Variants in TOR4A observed in about 807,000 individuals in gnomAD.
TOR4A encodes torsin-4A.
In TOR4A, 12 loss-of-function variants were observed where a neutral mutation model predicts 11.5. That is an observed-to-expected ratio of 1.04 (90% CI 0.67 to 1.69). The LOEUF (loss-of-function observed/expected upper bound fraction) is 1.69, where lower values mean the gene tolerates loss of function less well. Among genes scored for constraint, TOR4A ranks in the 40% most tolerant of loss-of-function variants. The pLI is 0.00. For synonymous variants in TOR4A, 362 were observed against 307.4 expected (o/e 1.18, Z -1.86); for missense variants, 640 against 643.2 (o/e 0.99, Z 0.05).
chr9:137,279,116 G>T lies in TOR4A; in HGVS notation c.427G>T (p.Asp143Tyr), dbSNP rs1308436945. ...TCTCAACGCTATCGAGAACCTGGAC[G>T]ATAACGCGCAGCGCTATGACCTCGA... ...QVLNAIENLDDNAQRYDLDGL... is the reference protein window; with the variant it reads ...QVLNAIENLDYNAQRYDLDGL... Residue 143 changes from aspartate (D) to tyrosine (Y), a missense_variant, in exon 2 of 2, where the codon GAT (aspartate) becomes TAT (tyrosine). Physicochemically the swap from Asp to Tyr is radical, Grantham distance 160. Coordinates refer to ENST00000357503, the MANE Select transcript of TOR4A (RefSeq NM_017723.3). 6 of 1,593,324 alleles carry T rather than the reference G, an allele frequency of 3.8e-6. No individual in the cohort carries two copies. The highest frequency in any genetic ancestry group is 5.1e-6 in the Non-Finnish European group (6 of 1,170,356).
At position 137,279,052 on chromosome 9, in the gene TOR4A, C is replaced by T. The variant is rs1324726125; in HGVS notation, c.363C>T (p.Arg121=). ...TGGAGCACAGGAGCCGCGCGCAGCG[C>T]TGCCTTCTGCTGCTAGTCGCCATCG... ...PRVEHRSRAQ[R]CLLLLVAIVG... The change falls in exon 2 of 2, where the codon CGC becomes CGT. Residue 121 remains arginine (R), a synonymous_variant. Transcript: ENST00000357503. 1 of 1,603,692 alleles carries T rather than the reference C, an allele frequency of 6.2e-7. No homozygotes were observed. The highest frequency in any genetic ancestry group is 1.3e-5 in the African/African-American group (1 of 74,762).
chr9:137,279,018 G>T lies in TOR4A; in HGVS notation c.329G>T (p.Arg110Leu). 1 of 1,604,412 alleles carries T rather than the reference G, an allele frequency of 6.2e-7. No individual in the cohort carries two copies. Among genetic ancestry groups the T allele is most frequent in the Non-Finnish European group, 8.5e-7 (1 of 1,176,392 alleles). The change falls in exon 2 of 2, where the codon CGG becomes CTG. Residue 110 changes from arginine to leucine, a missense_variant. Coordinates refer to ENST00000357503, the MANE Select transcript of TOR4A (RefSeq NM_017723.3). Reference sequence around the variant, plus strand: ...TACCCGGAGACCTCGCGCAAGTATCGGCCGCGCGTGGAGCACAGGAGCCGC... The same window carrying T: ...TACCCGGAGACCTCGCGCAAGTATCTGCCGCGCGTGGAGCACAGGAGCCGC... ...VLYPETSRKY[R>L]PRVEHRSRAQ...
Position 137,279,146 on chromosome 9 carries a change from C to T in TOR4A, c.457C>T (p.Leu153=). The T allele has an allele frequency of 6.3e-7, 1 of 1,576,702 alleles. No individual in the cohort carries two copies. Among genetic ancestry groups the T allele is most frequent in the Non-Finnish European group, 8.6e-7 (1 of 1,161,678 alleles). ...DNAQRYDLDG[L]EKALQRAVFG... ...CGCGCAGCGCTATGACCTCGACGGG[C>T]TGGAGAAAGCGCTGCAGCGCGCGGT... The change falls in exon 2 of 2, where the codon CTG becomes TTG. Residue 153 remains leucine, a synonymous_variant. Coordinates refer to ENST00000357503, the MANE Select transcript of TOR4A (RefSeq NM_017723.3).
chr9:137,278,779 C>T lies in TOR4A; in HGVS notation c.90C>T (p.Leu30=). The change falls in exon 2 of 2, where the codon CTC becomes CTT. Residue 30 remains leucine, a synonymous_variant. Transcript: ENST00000357503. ...RCVIAPVRAV[L]RLRRRVCVLR... is the part of the protein sequence containing the mutation. ...TGATCGCGCCCGTGCGCGCTGTGCT[C>T]CGCCTGCGCCGCCGGGTGTGTGTCC... is the stretch of plus-strand genomic sequence containing the variant. The T allele has an allele frequency of 6.9e-7, 1 of 1,443,990 alleles. No individual in the cohort carries two copies. Among genetic ancestry groups the T allele is most frequent in the Non-Finnish European group, 9.0e-7 (1 of 1,110,404 alleles). The allele number at this position is 1,443,990 out of a possible 1,614,324, so 89.4% of individuals were successfully genotyped here. A position where few individuals can be genotyped will look rare whatever the true frequency, so the allele number is the denominator to read the frequency against.
rs781116136 is a variant in TOR4A, at chr9:137,278,726, G to A, written c.37G>A (p.Ala13Thr). 21 of 1,374,602 alleles carry A rather than the reference G, an allele frequency of 1.5e-5. No individual in the cohort carries two copies. Among genetic ancestry groups the A allele is most frequent in the Non-Finnish European group, 1.9e-5 (20 of 1,070,850 alleles). The allele number at this position is 1,374,602 out of a possible 1,614,324, so 85.2% of individuals were successfully genotyped here. The change falls in exon 2 of 2, where the codon GCG becomes ACG. Residue 13 changes from alanine (A) to threonine (T), a missense_variant. Transcript: ENST00000357503. Reference sequence around the variant, plus strand: ...CCAGCCCAGCCTGGAGCCTGCTGCCGCGGCCCCCCGAGCCTCGGGCCGGTG... The same window carrying A: ...CCAGCCCAGCCTGGAGCCTGCTGCCACGGCCCCCCGAGCCTCGGGCCGGTG... ...RGQPSLEPAA[A>T]APRASGRCVI...
In TOR4A at chr9:137,279,870, T is replaced by G; in HGVS notation, c.1181T>G (p.Leu394Arg). 6.3e-7 allele frequency: 1 copy of G among 1,584,674 alleles called. No individual in the cohort carries two copies. Among genetic ancestry groups the G allele is most frequent in the Non-Finnish European group, 8.6e-7 (1 of 1,168,908 alleles). ...FFPDQARAEN[L>R]AAQLSFYRVA... ...CCTGACCAGGCCCGCGCGGAGAACCTGGCCGCGCAGCTCAGCTTCTACCGC... is the reference window on the plus strand; with the variant it reads ...CCTGACCAGGCCCGCGCGGAGAACCGGGCCGCGCAGCTCAGCTTCTACCGC... The change falls in exon 2 of 2, where the codon CTG becomes CGG. Residue 394 changes from leucine (L) to arginine (R), a missense_variant. Transcript: ENST00000357503.
Position 137,279,900 on chromosome 9 carries a change from C to G in TOR4A, c.1211C>G (p.Ala404Gly). 6.3e-7 allele frequency: 1 copy of G among 1,579,146 alleles called. No individual in the cohort carries two copies. The highest frequency in any genetic ancestry group is 8.6e-7 in the Non-Finnish European group (1 of 1,164,892). Residue 404 changes from alanine (A) to glycine (G), a missense_variant, in exon 2 of 2, where the codon GCT becomes GGT. Physicochemically the swap from Ala to Gly is moderately conservative, Grantham distance 60. Transcript: ENST00000357503. The stretch of plus-strand genomic sequence containing the variant: ...GCGCAGCTCAGCTTCTACCGCGTGG[C>G]TGGCCGCGAGTTTGCCGTCACCGGC... ...LAAQLSFYRV[A>G]GREFAVTGCK...
chr9:137,278,721 C>T lies in TOR4A; in HGVS notation c.32C>T (p.Ala11Val). The change falls in exon 2 of 2, where the codon GCT becomes GTT. Residue 11 changes from alanine to valine, a missense_variant. Transcript: ENST00000357503. MDRGQPSLEP[A>V]AAAPRASGRC... ...CGCGGCCAGCCCAGCCTGGAGCCTG[C>T]TGCCGCGGCCCCCCGAGCCTCGGGC... is the stretch of plus-strand genomic sequence containing the variant. The T allele has an allele frequency of 7.3e-7, 1 of 1,375,190 alleles. No homozygotes were observed. Among genetic ancestry groups the T allele is most frequent in the South Asian group, 1.7e-5 (1 of 60,228 alleles). The allele number at this position is 1,375,190 out of a possible 1,614,324, so 85.2% of individuals were successfully genotyped here.
In TOR4A at chr9:137,281,111, T is replaced by G. The variant is rs182719883; in HGVS notation, c.*1150T>G. 2,605 of 161,498 alleles carry G rather than the reference T, an allele frequency of 0.016. 56 individuals are homozygous for G. The highest frequency in any genetic ancestry group is 0.058 in the African/African-American group (2,398 of 41,506). The allele number at this position is 161,498 out of a possible 1,614,324, so 10.0% of individuals were successfully genotyped here. A position where few individuals can be genotyped will look rare whatever the true frequency, so the allele number is the denominator to read the frequency against. On this transcript the variant is annotated 3_prime_UTR_variant, in exon 2 of 2. Coordinates refer to ENST00000357503, the MANE Select transcript of TOR4A (RefSeq NM_017723.3). ...CCCTGAGTCCCCCAGGCCGCCCCGA[T>G]CCTCTGTCCCCGCCGCCGGCCCCGC...
rs1049315011 is a variant in TOR4A at position 137,281,067 on chromosome 9, G to A, written c.*1106G>A. The A allele has an allele frequency of 1.2e-5, 2 of 162,454 alleles. No individual in the cohort carries two copies. Among genetic ancestry groups the A allele is most frequent in the Non-Finnish European group, 2.9e-5 (2 of 68,056 alleles). 10.1% of individuals were successfully genotyped at this position (162,454 alleles called of 1,614,324 possible). A position where few individuals can be genotyped will look rare whatever the true frequency, so the allele number is the denominator to read the frequency against. On this transcript the variant is annotated 3_prime_UTR_variant, in exon 2 of 2. Transcript: ENST00000357503. ...GCCGGTGGCTTCTGTGGTCGCCGGG[G>A]GCTGAGCGCGCGGCTGGGCCCTGAG...
rs1276000247 is a variant in TOR4A, at chr9:137,281,519, C to CGTCT, written c.*1559_*1562dup. The CGTCT allele has an allele frequency of 6.2e-6, 1 of 162,232 alleles. No homozygotes were observed. Among genetic ancestry groups the CGTCT allele is most frequent in the Non-Finnish European group, 1.5e-5 (1 of 68,124 alleles). The allele number at this position is 162,232 out of a possible 1,614,324, so 10.0% of individuals were successfully genotyped here. A position where few individuals can be genotyped will look rare whatever the true frequency, so the allele number is the denominator to read the frequency against. ...GGTGTCTGTGGTCGGGGGCGAGGGC[C>CGTCT]GTCTAGTGGAGACGGGGATTCAGGC... On this transcript the variant is annotated 3_prime_UTR_variant, in exon 2 of 2. Coordinates refer to ENST00000357503, the MANE Select transcript of TOR4A (RefSeq NM_017723.3).
In TOR4A at chr9:137,279,774, C is replaced by G. The variant is rs748130840; in HGVS notation, c.1085C>G (p.Pro362Arg). The G allele has an allele frequency of 1.3e-6, 2 of 1,589,110 alleles. No homozygotes were observed. The highest frequency in any genetic ancestry group is 1.1e-5 in the South Asian group (1 of 88,896). Residue 362 changes from proline to arginine, a missense_variant, in exon 2 of 2, where the codon CCG becomes CGG. Physicochemically the swap from Pro to Arg is moderately radical, Grantham distance 103 (BLOSUM62 -2). Transcript: ENST00000357503. Reference protein sequence around the residue: ...HPLWQAAAIVPFLLLDKRDVV... With the variant: ...HPLWQAAAIVRFLLLDKRDVV... The stretch of plus-strand genomic sequence containing the variant: ...CTGTGGCAGGCCGCGGCCATCGTGC[C>G]GTTTCTGCTGCTGGACAAGCGGGAT...
At position 137,278,813 on chromosome 9, in the gene TOR4A, C is replaced by G; in HGVS notation, c.124C>G (p.Arg42Gly). Reference sequence around the variant, plus strand: ...CCGCCGGGTGTGTGTCCTACGCAAACGGCGCCTCCTGCAGCCGGGTGGGGG... The same window carrying G: ...CCGCCGGGTGTGTGTCCTACGCAAAGGGCGCCTCCTGCAGCCGGGTGGGGG... Reference protein sequence around the residue: ...LRRRVCVLRKRRLLQPGGGPD... With the variant: ...LRRRVCVLRKGRLLQPGGGPD... Residue 42 changes from arginine (R) to glycine (G), a missense_variant, in exon 2 of 2, where the codon CGG becomes GGG. Coordinates refer to ENST00000357503, the MANE Select transcript of TOR4A (RefSeq NM_017723.3). 1 of 1,481,096 alleles carries G rather than the reference C, an allele frequency of 6.8e-7. No homozygotes were observed. The highest frequency in any genetic ancestry group is 8.9e-7 in the Non-Finnish European group (1 of 1,126,062). 91.7% of individuals were successfully genotyped at this position (1,481,096 alleles called of 1,614,324 possible). A position where few individuals can be genotyped will look rare whatever the true frequency, so the allele number is the denominator to read the frequency against.
At position 137,278,655 on chromosome 9, in the gene TOR4A, AG is replaced by A. The variant is rs1830674106; in HGVS notation, c.-32del. ...CCCTCCCCGTCTTCCCGTTGCAGGGAGGGCGACCTGTATGCGGAGCGCCGTT... is the reference window on the plus strand; with the variant it reads ...CCCTCCCCGTCTTCCCGTTGCAGGGAGGCGACCTGTATGCGGAGCGCCGTT... On this transcript the variant is annotated 5_prime_UTR_variant, in exon 2 of 2. Transcript: ENST00000357503. 3 of 1,298,106 alleles carry A rather than the reference AG, an allele frequency of 2.3e-6. No individual in the cohort carries two copies. Among genetic ancestry groups the A allele is most frequent in the Non-Finnish European group, 2.0e-6 (2 of 1,023,322 alleles). 80.4% of individuals were successfully genotyped at this position (1,298,106 alleles called of 1,614,324 possible). A position where few individuals can be genotyped will look rare whatever the true frequency, so the allele number is the denominator to read the frequency against.
At position 137,278,786 on chromosome 9, in the gene TOR4A, C is replaced by A. The variant is rs777149355; in HGVS notation, c.97C>A (p.Arg33Ser). The part of the protein sequence containing the change: ...IAPVRAVLRL[R>S]RRVCVLRKRR... ...GCCCGTGCGCGCTGTGCTCCGCCTG[C>A]GCCGCCGGGTGTGTGTCCTACGCAA... Residue 33 changes from arginine to serine, a missense_variant, in exon 2 of 2, where the codon CGC (arginine) becomes AGC (serine). Physicochemically the swap from Arg to Ser is moderately radical, Grantham distance 110. Transcript: ENST00000357503. The A allele has an allele frequency of 1.4e-6, 2 of 1,447,870 alleles. No individual in the cohort carries two copies. The highest frequency in any genetic ancestry group is 9.0e-7 in the Non-Finnish European group (1 of 1,112,062). 89.7% of individuals were successfully genotyped at this position (1,447,870 alleles called of 1,614,324 possible). A position where few individuals can be genotyped will look rare whatever the true frequency, so the allele number is the denominator to read the frequency against.
rs1018364407 is a variant in TOR4A at position 137,279,103 on chromosome 9, C to T, written c.414C>T (p.Ile138=). 5 of 1,598,778 alleles carry T rather than the reference C, an allele frequency of 3.1e-6. No homozygotes were observed. Among genetic ancestry groups the T allele is most frequent in the Non-Finnish European group, 4.3e-6 (5 of 1,173,054 alleles). Residue 138 remains isoleucine (I), a synonymous_variant, in exon 2 of 2, where the codon ATC becomes ATT. Coordinates refer to ENST00000357503, the MANE Select transcript of TOR4A (RefSeq NM_017723.3). ...AIVGFQVLNA[I]ENLDDNAQRY... ...TGGGCTTCCAAGTTCTCAACGCTAT[C>T]GAGAACCTGGACGATAACGCGCAGC...
Position 137,282,585 on chromosome 9 carries a change from G to C in TOR4A, c.*2624G>C, listed in dbSNP as rs1452216457. On this transcript the variant is annotated 3_prime_UTR_variant, in exon 2 of 2. Transcript: ENST00000357503. ...TGCACCAAGTGCTGGGGTGGGGGCTGGTAATAAACGAGGCCACAAATCATG... is the reference window on the plus strand; with the variant it reads ...TGCACCAAGTGCTGGGGTGGGGGCTCGTAATAAACGAGGCCACAAATCATG... 1 of 167,022 alleles carries C rather than the reference G, an allele frequency of 6.0e-6. No individual in the cohort carries two copies. Among genetic ancestry groups the C allele is most frequent in the Non-Finnish European group, 1.5e-5 (1 of 68,124 alleles). 10.3% of individuals were successfully genotyped at this position (167,022 alleles called of 1,614,324 possible).
rs1830723006 is a variant in TOR4A, at chr9:137,281,802, A to T, written c.*1841A>T. Reference sequence around the variant, plus strand: ...TAGCCAGCGCTGGGAACCAGGGCTGAGTTCAGCCCAGCTCTGTCCACCCCA... The same window carrying T: ...TAGCCAGCGCTGGGAACCAGGGCTGTGTTCAGCCCAGCTCTGTCCACCCCA... On this transcript the variant is annotated 3_prime_UTR_variant, in exon 2 of 2. Coordinates refer to ENST00000357503, the MANE Select transcript of TOR4A (RefSeq NM_017723.3). 6.0e-6 allele frequency: 1 copy of T among 165,880 alleles called. No individual in the cohort carries two copies. The highest frequency in any genetic ancestry group is 2.4e-5 in the African/African-American group (1 of 41,400). The allele number at this position is 165,880 out of a possible 1,614,324, so 10.3% of individuals were successfully genotyped here.
Position 137,280,773 on chromosome 9 carries a change from C to T in TOR4A, c.*812C>T, listed in dbSNP as rs979500356. 1.8e-5 allele frequency: 3 copies of T among 167,302 alleles called. No individual in the cohort carries two copies. The highest frequency in any genetic ancestry group is 7.2e-5 in the African/African-American group (3 of 41,476). 10.4% of individuals were successfully genotyped at this position (167,302 alleles called of 1,614,324 possible). A position where few individuals can be genotyped will look rare whatever the true frequency, so the allele number is the denominator to read the frequency against. ...GCCCCGAGTTCCGCCCACCCGCACCCTCTGCGCAGAGCGCCCTCCCCACGC... is the reference window on the plus strand; with the variant it reads ...GCCCCGAGTTCCGCCCACCCGCACCTTCTGCGCAGAGCGCCCTCCCCACGC... On this transcript the variant is annotated 3_prime_UTR_variant, in exon 2 of 2. Coordinates refer to ENST00000357503, the MANE Select transcript of TOR4A (RefSeq NM_017723.3).
Sources: gnomAD v4.1 joint callset for allele counts on GRCh38, gnomAD v4.1.1 for gene constraint, MANE v1.5 for transcripts, NCBI Gene and HGNC (gene_info 2026-07-23, HGNC 2026-07-21) for gene names.